Variants in BAALC observed in about 807,000 individuals in gnomAD.
The protein encoded by BAALC is brain and acute leukemia cytoplasmic protein.
A neutral mutation model predicts 15.5 loss-of-function variants in BAALC; 9 were observed. The observed-to-expected ratio is 0.58, with a 90% CI of 0.35 to 1.02. BAALC has a LOEUF of 1.02. BAALC is among the 50% of genes least tolerant of loss of function. The pLI, the probability that BAALC is intolerant of heterozygous loss-of-function variation, is 0.02. For missense variants in BAALC, 201 were observed against 192.4 expected (o/e 1.04, Z -0.27); for synonymous variants, 80 against 74.6 (o/e 1.07, Z -0.37).
At chr8:103,173,534 C>T (rs1811543945) in intron 1 of BAALC, among the ~76,000 whole-genome samples, 1 of 152,076 alleles carries the variant, frequency 6.6e-6, no homozygotes, top group Admixed American at 6.5e-5. Flanking sequence ...TCACAATTAC[C>T]ATGAAACAGA....
intron 1 of BAALC, among the ~76,000 whole-genome samples, chr8:103,177,193 GT>G (rs67361726): frequency 0.026 from 3,817 of 145,422 alleles, 145 homozygotes; most frequent in African/African-American, 0.09. Context: ...TTGTTGTTTT[GT>G]TTTTTTTTTT....
intron 1 of BAALC, among the ~76,000 whole-genome samples, chr8:103,157,918 A>AT (rs1391525595): frequency 2.0e-4 from 30 of 152,358 alleles, no homozygotes; most frequent in Admixed American, 1.6e-3. Flanking sequence ...TCAACCTAAT[A>AT]TATAACCACA....
intron 2 of BAALC, 81 bp downstream of exon 2, chr8:103,213,166 A>AT: frequency 6.8e-7 from 1 of 1,475,908 alleles, no homozygotes; most frequent in Non-Finnish European, 9.2e-7. Context: ...CCCAGCCGCT[A>AT]TGTCCAGGGA....
intron 1 of BAALC, among the ~76,000 whole-genome samples, chr8:103,158,659 G>A (rs1424364554): frequency 6.6e-6 from 1 of 151,384 alleles, no homozygotes; most frequent in African/African-American, 2.4e-5. Context: ...CGGATACATA[G>A]GACAATACAT....
intron 1 of BAALC, among the ~76,000 whole-genome samples, chr8:103,141,720 T>C (rs1330734086): frequency 6.6e-6 from 1 of 152,246 alleles, no homozygotes; most frequent in African/African-American, 2.4e-5. Flanking sequence ...CTTCTCTCCC[T>C]ACCCTATGGT....
In BAALC at chr8:103,187,058, T is replaced by C. The variant is rs139959818; in HGVS notation, c.161-25861T>C. ...TCGGCCACGTGCTGTTCTGCTACCA[T>C]TGGGGGTCCTATTTTTGCTTTTTCT... On this transcript the variant is annotated intron_variant, in intron 1 of 2. Transcript: ENST00000309982. 2.0e-3 allele frequency among the ~76,000 whole-genome samples: 309 copies of C among 152,312 alleles called. 1 individual carries two copies. Among genetic ancestry groups the C allele is most frequent in the African/African-American group, 6.6e-3 (273 of 41,574 alleles).
At chr8:103,151,097 A>C (rs1328112682) in intron 1 of BAALC, among the ~76,000 whole-genome samples, 2 of 151,162 alleles carry the variant, frequency 1.3e-5, no homozygotes, top group African/African-American at 4.9e-5. Flanking sequence ...AGCTCACTGC[A>C]ACCTCTGCCT....
chr8:103,142,624 A>G (rs189782330), intron 1 of BAALC, among the ~76,000 whole-genome samples: 1 of 152,318 alleles, frequency 6.6e-6, no homozygotes, highest in Non-Finnish European at 1.5e-5. Flanking sequence ...AATAATAAAA[A>G]ACAACCAAAA....
chr8:103,215,710 G>C (rs774030136), intron 2 of BAALC, among the ~76,000 whole-genome samples: 1 of 152,156 alleles, frequency 6.6e-6, no homozygotes, highest in Non-Finnish European at 1.5e-5. Flanking sequence ...ACATCATACT[G>C]ACTAATATCC....
intron 1 of BAALC, among the ~76,000 whole-genome samples, chr8:103,164,924 C>T (rs1586388304): frequency 6.6e-6 from 1 of 152,120 alleles, no homozygotes; most frequent in Non-Finnish European, 1.5e-5. Flanking sequence ...TTGCTCATTA[C>T]CTGTCCCCTA....
chr8:103,180,006 T>C (rs1184676071), intron 1 of BAALC, among the ~76,000 whole-genome samples: 1 of 152,154 alleles, frequency 6.6e-6, no homozygotes, highest in African/African-American at 2.4e-5. Context: ...GGCCCAAAAG[T>C]GAATCTGCCC....
At chr8:103,193,126 T>A (rs1812010331) in intron 1 of BAALC, among the ~76,000 whole-genome samples, 1 of 152,224 alleles carries the variant, frequency 6.6e-6, no homozygotes, top group Admixed American at 6.5e-5. Flanking sequence ...CAATTATCTG[T>A]CCTTCTAAAG....
At chr8:103,209,411 G>T (rs1451180893) in intron 1 of BAALC, among the ~76,000 whole-genome samples, 1 of 152,084 alleles carries the variant, frequency 6.6e-6, no homozygotes, top group Non-Finnish European at 1.5e-5. Context: ...CACTGGGGGA[G>T]ACAGCAAGCA....
chr8:103,169,300 T>C (rs765694561), intron 1 of BAALC, among the ~76,000 whole-genome samples: 7 of 152,216 alleles, frequency 4.6e-5, no homozygotes, highest in African/African-American at 1.2e-4. Context: ...ATCTCATTCT[T>C]AGTTTTTTAG....
At chr8:103,181,198 G>A (rs1312527364) in intron 1 of BAALC, among the ~76,000 whole-genome samples, 2 of 152,176 alleles carry the variant, frequency 1.3e-5, no homozygotes, top group Admixed American at 6.5e-5. Context: ...GAGGGAATTA[G>A]CAATTTTGGA....
intron 1 of BAALC, among the ~76,000 whole-genome samples, chr8:103,178,790 G>A (rs1174796088): frequency 6.6e-6 from 1 of 151,362 alleles, no homozygotes; most frequent in East Asian, 1.9e-4. Context: ...TGGGACCCAG[G>A]AGGCAGAGGT....
At chr8:103,217,766 C>T (rs979475485) in intron 2 of BAALC, among the ~76,000 whole-genome samples, 3 of 152,176 alleles carry the variant, frequency 2.0e-5, no homozygotes, top group African/African-American at 7.2e-5. Flanking sequence ...AAAGGCAATC[C>T]TTGCGAGGCC....
At chr8:103,141,393 C>A (rs765659415) in intron 1 of BAALC, 21 of 263,364 alleles carry the variant, frequency 8.0e-5, no homozygotes, top group Admixed American at 2.7e-4. Context: ...CACCCACCCC[C>A]TGATCCGCCC....
chr8:103,174,215 G>T (rs1381203419), intron 1 of BAALC, among the ~76,000 whole-genome samples: 1 of 148,500 alleles, frequency 6.7e-6, no homozygotes, highest in Non-Finnish European at 1.5e-5. Flanking sequence ...AAGGACAAAT[G>T]GACAAATTCC....
Sources: gnomAD v4.1 joint callset for allele counts (sites outside exome capture counted in the v4.1 genomes callset) on GRCh38, gnomAD v4.1.1 for gene constraint, MANE v1.5 for transcripts, NCBI Gene and HGNC (gene_info 2026-07-23, HGNC 2026-07-21) for gene names.